MRTFB: variants seen among roughly 807,000 people sequenced by gnomAD.
MRTFB encodes myocardin-related transcription factor B.
A neutral mutation model predicts 104.2 loss-of-function variants in MRTFB; 29 were observed. The ratio of observed to expected loss-of-function variants is 0.28; its 90% confidence interval spans 0.21 to 0.38. MRTFB has a LOEUF of 0.38. MRTFB is among the 10% of genes least tolerant of loss of function. The probability of loss-of-function intolerance (pLI) is 1.00; values close to 1 mark genes in which losing one functional copy is unlikely to be tolerated. For missense variants in MRTFB, 1,270 were observed against 1,341.6 expected (o/e 0.95, Z 0.83); for synonymous variants, 535 against 519.5 (o/e 1.03, Z -0.41).
chr16:14,205,131 A>G (rs1265298342), intron 3 of MRTFB, among the ~76,000 whole-genome samples: 1 of 152,238 alleles, frequency 6.6e-6, no homozygotes. Flanking sequence ...GAGGAAATAC[A>G]TGGTAACTCT....
the MRTFB span, among the ~76,000 whole-genome samples, chr16:13,999,934 G>T: frequency 1.3e-5 from 2 of 152,298 alleles, no homozygotes; most frequent in African/African-American, 4.8e-5. Flanking sequence ...GAGGAAGTAA[G>T]CCTGTTCCAG....
At chr16:14,221,068 G>A (rs1178820549) in intron 8 of MRTFB, among the ~76,000 whole-genome samples, 1 of 152,190 alleles carries the variant, frequency 6.6e-6, no homozygotes, top group Non-Finnish European at 1.5e-5. Context: ...CCATACAGAT[G>A]TCAAAGAAAG....
chr16:14,221,992 G>C (rs1233677412), intron 8 of MRTFB, among the ~76,000 whole-genome samples: 1 of 152,014 alleles, frequency 6.6e-6, no homozygotes, highest in Non-Finnish European at 1.5e-5. Context: ...TGTTGGCCAT[G>C]CTGTCTTGAA....
intron 3 of MRTFB, among the ~76,000 whole-genome samples, chr16:14,196,370 A>G (rs1421564082): frequency 6.6e-6 from 1 of 152,152 alleles, no homozygotes; most frequent in Non-Finnish European, 1.5e-5. Context: ...TTGCTCTTTA[A>G]TTTCTAAGAG....
At chr16:14,027,981 A>C in the MRTFB span, among the ~76,000 whole-genome samples, 1 of 152,228 alleles carries the variant, frequency 6.6e-6, no homozygotes, top group Non-Finnish European at 1.5e-5. Flanking sequence ...ATTCAAGACC[A>C]GCCTGGCCAA....
At chr16:14,107,254 G>A (rs548858906) in intron 2 of MRTFB, among the ~76,000 whole-genome samples, 5 of 152,182 alleles carry the variant, frequency 3.3e-5, no homozygotes, top group African/African-American at 4.8e-5. Context: ...AAACAAAAAC[G>A]GAGGAAAAAG....
chr16:14,241,695 G>A (rs1437020270), intron 10 of MRTFB, among the ~76,000 whole-genome samples: 2 of 152,056 alleles, frequency 1.3e-5, no homozygotes, highest in African/African-American at 4.8e-5. Context: ...AATATCTTGA[G>A]GAAGATTAAA....
At chr16:14,154,096 G>A (rs918694298) in intron 3 of MRTFB, among the ~76,000 whole-genome samples, 2 of 152,156 alleles carry the variant, frequency 1.3e-5, no homozygotes, top group Non-Finnish European at 2.9e-5. Flanking sequence ...ACTTTGGGAG[G>A]CCAAGGTGAG....
At chr16:14,054,910 A>G in the MRTFB span, among the ~76,000 whole-genome samples, 1 of 152,270 alleles carries the variant, frequency 6.6e-6, no homozygotes, top group Non-Finnish European at 1.5e-5. Flanking sequence ...GCACCTCATT[A>G]AAAAGCAAAA....
chr16:14,057,378 T>A, the MRTFB span, among the ~76,000 whole-genome samples: 80 of 152,256 alleles, frequency 5.3e-4, no homozygotes, highest in African/African-American at 1.9e-3. Flanking sequence ...GCACCTTACC[T>A]CTTGTCTTTT....
chr16:14,051,211 C>G, the MRTFB span, among the ~76,000 whole-genome samples: 2 of 151,998 alleles, frequency 1.3e-5, no homozygotes, highest in East Asian at 3.9e-4. Context: ...GACACAGACA[C>G]ACAAAGACAC....
At chr16:14,003,796 A>C in the MRTFB span, among the ~76,000 whole-genome samples, 1 of 152,124 alleles carries the variant, frequency 6.6e-6, no homozygotes, top group Admixed American at 6.6e-5. Flanking sequence ...ACTGCATTTC[A>C]TGAGGGAATG....
chr16:14,170,521 T>C (rs1316510910), intron 3 of MRTFB: 1 of 152,256 alleles, frequency 6.6e-6, no homozygotes, highest in Non-Finnish European at 1.5e-5. Context: ...TTTCAATGGC[T>C]ATACAATATC....
At chr16:14,118,361 T>C (rs1343291327) in intron 2 of MRTFB, among the ~76,000 whole-genome samples, 2 of 151,462 alleles carry the variant, frequency 1.3e-5, no homozygotes, top group African/African-American at 4.8e-5. Flanking sequence ...AGTCTGGTCT[T>C]GAACTCCTGA....
chr16:14,264,126 T>G lies in MRTFB; in HGVS notation c.*2682T>G, dbSNP rs1252247524. On this transcript the variant is annotated 3_prime_UTR_variant, in exon 17 of 17. Coordinates refer to ENST00000571589, the MANE Select transcript of MRTFB (RefSeq NM_001308142.2). ...AGTGTCACAGCCATTACAGCACAAG[T>G]CAAAGTCGCCAGTTGAATTTTCATT... 2 of 152,246 alleles carry G rather than the reference T, an allele frequency of 1.3e-5. No homozygotes were observed. The highest frequency in any genetic ancestry group is 4.8e-5 in the African/African-American group (2 of 41,450). 9.4% of individuals were successfully genotyped at this position (152,246 alleles called of 1,614,324 possible). A position where few individuals can be genotyped will look rare whatever the true frequency, so the allele number is the denominator to read the frequency against.
At chr16:14,064,372 T>C in the MRTFB span, among the ~76,000 whole-genome samples, 6 of 152,232 alleles carry the variant, frequency 3.9e-5, no homozygotes, top group African/African-American at 9.6e-5. Flanking sequence ...GAATTAGATC[T>C]TTGTAAGATG....
At chr16:14,033,835 C>CA in the MRTFB span, among the ~76,000 whole-genome samples, 148 of 90,324 alleles carry the variant, frequency 1.6e-3, 1 homozygote, top group African/African-American at 3.3e-3. Context: ...GACTCAGTCT[C>CA]AAAAAAAAAA....
At chr16:14,053,655 CG>C in the MRTFB span, among the ~76,000 whole-genome samples, 612 of 149,932 alleles carry the variant, frequency 4.1e-3, 4 homozygotes, top group African/African-American at 0.014. Context: ...CACTTGAAAG[CG>C]GGAGGCAGAG....
At chr16:14,009,429 T>C in the MRTFB span, 1 of 152,230 alleles carries the variant, frequency 6.6e-6, no homozygotes, top group Middle Eastern at 3.2e-3. Flanking sequence ...TTCATAATCT[T>C]CTATGTACAA....
Sources: gnomAD v4.1 joint callset for allele counts (sites outside exome capture counted in the v4.1 genomes callset) on GRCh38, gnomAD v4.1.1 for gene constraint, MANE v1.5 for transcripts, NCBI Gene and HGNC (gene_info 2026-07-23, HGNC 2026-07-21) for gene names.